POTEG: variants seen among roughly 807,000 people sequenced by gnomAD.
The protein encoded by POTEG is ANKRD26-like family C member 2.
Under a neutral mutation model 49.6 loss-of-function variants are expected in POTEG, and 2 were observed. That is an observed-to-expected ratio of 0.04 (90% CI 0.02 to 0.13). The LOEUF (loss-of-function observed/expected upper bound fraction) is 0.13, where lower values mean the gene tolerates loss of function less well. Ranked by LOEUF, POTEG falls within the 10% of genes least tolerant of loss-of-function variation. The pLI is 1.00. For missense variants in POTEG, 26 were observed against 545.2 expected, an observed-to-expected ratio of 0.05 and a Z score of 9.48; for synonymous variants, 7 against 186.6, an observed-to-expected ratio of 0.04 and a Z score of 7.84.
intron 1 of POTEG, among the ~76,000 whole-genome samples, chr14:19,432,274 T>A (rs1343493304): frequency 5.2e-4 from 43 of 82,192 alleles, no homozygotes; most frequent in African/African-American, 2.1e-3. Context: ...CTTGAACCTA[T>A]GAGGCAGAGG....
chr14:19,414,394 T>C (rs1883464944), intron 8 of POTEG, among the ~76,000 whole-genome samples, 168 bp downstream of exon 8: 1 of 146,826 alleles, frequency 6.8e-6, no homozygotes, highest in Non-Finnish European at 1.5e-5. Context: ...AGGGTTTGCA[T>C]CTCTTTAAAA....
intron 7 of POTEG, among the ~76,000 whole-genome samples, 161 bp from the exon 8 acceptor site, chr14:19,414,767 A>G (rs1322126811): frequency 6.8e-6 from 1 of 147,372 alleles, no homozygotes; most frequent in East Asian, 1.9e-4. Flanking sequence ...ATAAATAATA[A>G]TTAAAATTAA....
At chr14:19,431,175 T>C (rs1188388373) in intron 1 of POTEG, among the ~76,000 whole-genome samples, 6 of 152,220 alleles carry the variant, frequency 3.9e-5, no homozygotes, top group African/African-American at 1.2e-4. Flanking sequence ...ATTTTCTACA[T>C]ATTTTCAGCT....
In POTEG at chr14:19,428,678, A is replaced by T. The variant is rs747737490; in HGVS notation, c.674T>A (p.Leu225Ter). 7.6e-7 allele frequency: 1 copy of T among 1,318,726 alleles called. No homozygotes were observed. The highest frequency in any genetic ancestry group is 1.0e-6 in the Non-Finnish European group (1 of 983,630). The allele number at this position is 1,318,726 out of a possible 1,614,324, so 81.7% of individuals were successfully genotyped here. ...QCREDECALM[L>*]LEHGTDPNIP... ...ATTCGGATCAGTGCCATGTTCCAGC[A>T]ACATTAACGCACATTCATCTTCCCG... Residue 225 changes from leucine (L) to a stop codon, truncating the protein, a stop_gained, in exon 3 of 11, where the codon TTG becomes TAG. Coordinates refer to ENST00000547848, the MANE Select transcript of POTEG (RefSeq NM_001005356.3). LOFTEE classifies it high-confidence loss of function.
intron 1 of POTEG, among the ~76,000 whole-genome samples, chr14:19,432,946 A>T (rs1200539757): frequency 3.0e-5 from 1 of 33,202 alleles, no homozygotes; most frequent in African/African-American, 1.4e-4. Flanking sequence ...TTTTTTTGAG[A>T]TGGAGTCTTG....
At position 19,425,482 on chromosome 14, in the gene POTEG, C is replaced by T. The variant is rs866031818; in HGVS notation, c.917+124G>A. 9.1e-5 allele frequency: 20 copies of T among 218,760 alleles called. 5 individuals carry two copies. The East Asian group carries it at 9.3e-4, about 10-fold the overall frequency. 13.6% of individuals were successfully genotyped at this position (218,760 alleles called of 1,614,324 possible). A position where few individuals can be genotyped will look rare whatever the true frequency, so the allele number is the denominator to read the frequency against. ...CCAGTCCAAATAATTGTTTTTCTAC[C>T]GAACTGATTTGTGTTCATACTGATC... is the stretch of plus-strand genomic sequence containing the variant. On this transcript the variant is annotated intron_variant, in intron 4 of 10. Coordinates refer to ENST00000547848, the MANE Select transcript of POTEG (RefSeq NM_001005356.3).
intron 7 of POTEG, among the ~76,000 whole-genome samples, chr14:19,415,764 T>C (rs182482406): frequency 3.3e-5 from 5 of 152,190 alleles, no homozygotes; most frequent in African/African-American, 9.6e-5. Flanking sequence ...TAAATTAGAA[T>C]CTATTGATTC....
Position 19,434,048 on chromosome 14 carries a change from CCCACG to C in POTEG, c.237_241del (p.Asn79LysfsTer71). On this transcript the variant is annotated frameshift_variant, in exon 1 of 11. Transcript: ENST00000547848. LOFTEE classifies it high-confidence loss of function. The stretch of plus-strand genomic sequence containing the variant: ...AGAGTCGTCGTGGTCTCCAGAAGTG[CCCACG>C]TTGCTCTTGCTGCTCCCCCTGCACC... 7.1e-7 allele frequency: 1 copy of C among 1,407,398 alleles called. No individual in the cohort carries two copies. Among genetic ancestry groups the C allele is most frequent in the Non-Finnish European group, 9.5e-7 (1 of 1,050,172 alleles). The allele number at this position is 1,407,398 out of a possible 1,614,324, so 87.2% of individuals were successfully genotyped here.
intron 1 of POTEG, among the ~76,000 whole-genome samples, chr14:19,430,587 G>A: frequency 8.4e-6 from 1 of 118,958 alleles, no homozygotes. Flanking sequence ...CTCAAGCCCA[G>A]CAGGCAAACA....
chr14:19,425,437 T>C (rs1277255076), intron 4 of POTEG, among the ~76,000 whole-genome samples, 169 bp downstream of exon 4: 1 of 60,246 alleles, frequency 1.7e-5, no homozygotes, highest in Admixed American at 1.9e-4. Context: ...AGATGAATCC[T>C]ACTAAAACTT....
intron 1 of POTEG, among the ~76,000 whole-genome samples, chr14:19,432,370 A>T (rs61971027): frequency 0.056 from 1,902 of 33,724 alleles, 17 homozygotes; most frequent in Non-Finnish European, 0.069. Context: ...AATTTTGTAT[A>T]TATATATATA....
chr14:19,432,436 A>C (rs1566383372), intron 1 of POTEG, among the ~76,000 whole-genome samples: 1 of 100,442 alleles, frequency 1.0e-5, no homozygotes, highest in Non-Finnish European at 2.0e-5. Flanking sequence ...ATATACGTAT[A>C]TATATATATA....
chr14:19,425,506 T>C (rs1383158551), intron 4 of POTEG, 100 bp downstream of exon 4: 3 of 407,712 alleles, frequency 7.4e-6, no homozygotes, highest in Non-Finnish European at 1.2e-5. Context: ...TTCATACTGA[T>C]CACTATATCC....
intron 6 of POTEG, chr14:19,420,878 TAGA>T (rs1883734290): frequency 4.3e-5 from 4 of 92,962 alleles, no homozygotes; most frequent in African/African-American, 3.9e-5. Flanking sequence ...AACCAGCAGG[TAGA>T]AGAACACATC....
intron 7 of POTEG, among the ~76,000 whole-genome samples, chr14:19,415,244 T>C (rs1223675528): frequency 7.0e-6 from 1 of 142,564 alleles, no homozygotes; most frequent in South Asian, 2.3e-4. Context: ...TGACAGTAGA[T>C]AAAAATTTTA....
rs1883888273 is a variant in POTEG at position 19,424,744 on chromosome 14, T to G, written c.918-442A>C. 3.8e-5 allele frequency: 2 copies of G among 52,286 alleles called. 1 individual carries two copies. Among genetic ancestry groups the G allele is most frequent in the African/African-American group, 1.3e-4 (2 of 15,376 alleles). 3.2% of individuals were successfully genotyped at this position (52,286 alleles called of 1,614,324 possible). A position where few individuals can be genotyped will look rare whatever the true frequency, so the allele number is the denominator to read the frequency against. On this transcript the variant is annotated intron_variant, in intron 4 of 10. Transcript: ENST00000547848. Reference sequence around the variant, plus strand: ...GGTAAGAATAGTAGTCACAGGAGTTTCAGTTAATGATGCCAATAAGCATGT... The same window carrying G: ...GGTAAGAATAGTAGTCACAGGAGTTGCAGTTAATGATGCCAATAAGCATGT...
intron 1 of POTEG, among the ~76,000 whole-genome samples, chr14:19,432,403 T>TGTATATATATACAC (rs1884182148): frequency 2.2e-5 from 1 of 44,730 alleles, no homozygotes; most frequent in Non-Finnish European, 4.4e-5. Flanking sequence ...TATATATATA[T>TGTATATATATACAC]ACACACACAT....
At chr14:19,415,647 A>G (rs1227393968) in intron 7 of POTEG, among the ~76,000 whole-genome samples, 210 of 145,912 alleles carry the variant, frequency 1.4e-3, no homozygotes, top group Non-Finnish European at 2.5e-3. Flanking sequence ...CTCTATTCCA[A>G]AAGGAAAGAT....
intron 1 of POTEG, among the ~76,000 whole-genome samples, chr14:19,432,366 G>GTGTGTATA (rs1555310346): frequency 1.5e-3 from 55 of 37,852 alleles, no homozygotes; most frequent in Non-Finnish European, 2.0e-3. Context: ...AAGAAATTTT[G>GTGTGTATA]TATATATATA....
Sources: allele counts gnomAD v4.1 joint callset (sites outside exome capture counted in the v4.1 genomes callset), GRCh38; gene constraint gnomAD v4.1.1; transcripts MANE v1.5; gene names NCBI Gene and HGNC (gene_info 2026-07-23, HGNC 2026-07-21).